The following KCNB2 variants were observed in gnomAD, a reference collection of about 807,000 sequenced individuals.
KCNB2 encodes the protein delayed rectifier potassium channel protein.
Under a neutral mutation model 61.5 loss-of-function variants are expected in KCNB2, and 15 were observed. That is an observed-to-expected ratio of 0.24 (90% confidence interval 0.16 to 0.38). KCNB2 has a LOEUF of 0.38. Among genes scored for constraint, KCNB2 ranks in the 10% least tolerant of loss-of-function variants. The pLI, the probability that KCNB2 is intolerant of heterozygous loss-of-function variation, is 1.00. For synonymous variants in KCNB2, 457 were observed against 446.0 expected, an observed-to-expected ratio of 1.02 and a Z score of -0.31; for missense variants, 828 against 1,125.2, an observed-to-expected ratio of 0.74 and a Z score of 3.78.
chr8:72,612,796 C>A (rs1213003110), intron 2 of KCNB2, among the ~76,000 whole-genome samples: 1 of 152,078 alleles, frequency 6.6e-6, no homozygotes, highest in Non-Finnish European at 1.5e-5. Flanking sequence ...TAAGCTTTTT[C>A]AAGTTTGAGC....
At chr8:72,807,408 A>G (rs1048357106) in intron 2 of KCNB2, among the ~76,000 whole-genome samples, 2 of 152,208 alleles carry the variant, frequency 1.3e-5, no homozygotes, top group Admixed American at 1.3e-4. Flanking sequence ...CCCTGCAGGT[A>G]TAAGTTATTA....
chr8:72,759,614 G>A (rs1328275296), intron 2 of KCNB2, among the ~76,000 whole-genome samples: 1 of 152,142 alleles, frequency 6.6e-6, no homozygotes, highest in African/African-American at 2.4e-5. Context: ...CCAGAATGCT[G>A]TGATCCACAC....
intron 2 of KCNB2, among the ~76,000 whole-genome samples, chr8:72,744,195 A>G (rs990160820): frequency 6.6e-6 from 1 of 152,170 alleles, no homozygotes; most frequent in African/African-American, 2.4e-5. Flanking sequence ...AGGACTTTGA[A>G]TGAGACCTAG....
intron 2 of KCNB2, among the ~76,000 whole-genome samples, chr8:72,617,897 T>C (rs1275150861): frequency 6.6e-6 from 1 of 152,174 alleles, no homozygotes; most frequent in South Asian, 2.1e-4. Context: ...CACACCATAA[T>C]ATTATCTAAG....
At chr8:72,675,238 C>G (rs919630977) in intron 2 of KCNB2, among the ~76,000 whole-genome samples, 1 of 152,002 alleles carries the variant, frequency 6.6e-6, no homozygotes, top group Non-Finnish European at 1.5e-5. Context: ...TTAATCAAAG[C>G]TTTTATGTTT....
intron 2 of KCNB2, among the ~76,000 whole-genome samples, chr8:72,838,581 T>A (rs953923699): frequency 6.6e-6 from 1 of 152,204 alleles, no homozygotes; most frequent in Non-Finnish European, 1.5e-5. Context: ...TACGTGTGCA[T>A]GTGTCTTTAT....
chr8:72,623,564 T>C (rs2128984387), intron 2 of KCNB2, among the ~76,000 whole-genome samples: 1 of 152,310 alleles, frequency 6.6e-6, no homozygotes, highest in East Asian at 1.9e-4. Flanking sequence ...GTTTTACAAA[T>C]AGAAGGAAGG....
intron 2 of KCNB2, among the ~76,000 whole-genome samples, chr8:72,735,556 C>A (rs146911944): frequency 6.6e-6 from 1 of 152,100 alleles, no homozygotes; most frequent in South Asian, 2.1e-4. Flanking sequence ...CTAGTACAAT[C>A]GGCAAAAATT....
At chr8:72,814,031 T>G (rs1420891749) in intron 2 of KCNB2, among the ~76,000 whole-genome samples, 1 of 152,088 alleles carries the variant, frequency 6.6e-6, no homozygotes, top group Non-Finnish European at 1.5e-5. Flanking sequence ...GACAGGCTCC[T>G]GTGTGTGATG....
At chr8:72,612,517 C>T (rs1187379177) in intron 2 of KCNB2, among the ~76,000 whole-genome samples, 4 of 152,178 alleles carry the variant, frequency 2.6e-5, no homozygotes, top group Non-Finnish European at 5.9e-5. Flanking sequence ...AGTTTTCCAT[C>T]TCTTTAAGCA....
At chr8:72,868,184 G>A (rs1200146411) in intron 2 of KCNB2, among the ~76,000 whole-genome samples, 1 of 151,102 alleles carries the variant, frequency 6.6e-6, no homozygotes. Flanking sequence ...GAATCCGCCT[G>A]CCTCAGCCTC....
chr8:72,721,666 G>T lies in KCNB2; in HGVS notation c.579+153353G>T, dbSNP rs189314778. Among the ~76,000 whole-genome samples the T allele has an allele frequency of 4.3e-4, 65 of 152,242 alleles. No individual in the cohort carries two copies. In the Middle Eastern group the frequency reaches 0.01, roughly 24 times the overall value. On this transcript the variant is annotated intron_variant, in intron 2 of 2. Coordinates refer to ENST00000523207, the MANE Select transcript of KCNB2 (RefSeq NM_004770.3). ...CACAGACATGAAATCACCTTACTCAGACCCCACCCTGCACCATCATTCTCA... is the reference window on the plus strand; with the variant it reads ...CACAGACATGAAATCACCTTACTCATACCCCACCCTGCACCATCATTCTCA...
At chr8:72,660,337 C>T (rs555019121) in intron 2 of KCNB2, among the ~76,000 whole-genome samples, 11 of 152,044 alleles carry the variant, frequency 7.2e-5, no homozygotes, top group South Asian at 2.1e-4. Context: ...GAAGGTGGTC[C>T]GATGAAGGAA....
At position 72,631,945 on chromosome 8, in the gene KCNB2, G is replaced by T. The variant is rs943982133; in HGVS notation, c.579+63632G>T. On this transcript the variant is annotated intron_variant, in intron 2 of 2. Transcript: ENST00000523207. Reference sequence around the variant, plus strand: ...CTAGAAGAGTTTTTACATTTTTAAAGGGTTAAGTGGGCTGGGCATGGTGGC... The same window carrying T: ...CTAGAAGAGTTTTTACATTTTTAAATGGTTAAGTGGGCTGGGCATGGTGGC... Among the ~76,000 whole-genome samples the T allele has an allele frequency of 3.9e-5, 6 of 152,100 alleles. No individual in the cohort carries two copies. In the East Asian group the frequency reaches 7.7e-4, roughly 20 times the overall value.
intron 2 of KCNB2, among the ~76,000 whole-genome samples, chr8:72,820,783 A>G (rs1290431092): frequency 6.6e-6 from 1 of 152,140 alleles, no homozygotes; most frequent in African/African-American, 2.4e-5. Context: ...CCTCTCTGTC[A>G]GATCATTTTA....
intron 2 of KCNB2, among the ~76,000 whole-genome samples, chr8:72,910,031 C>T (rs1806259508): frequency 6.6e-6 from 1 of 152,148 alleles, no homozygotes; most frequent in African/African-American, 2.4e-5. Context: ...TGGTAGTCCT[C>T]ACATGTTGGC....
chr8:72,924,890 T>C (rs1806604997), intron 2 of KCNB2, among the ~76,000 whole-genome samples: 2 of 152,158 alleles, frequency 1.3e-5, no homozygotes, highest in African/African-American at 4.8e-5. Flanking sequence ...CAGCCTCCCA[T>C]AACAGCAGAT....
At chr8:72,623,895 G>A (rs1349110144) in intron 2 of KCNB2, among the ~76,000 whole-genome samples, 2 of 152,184 alleles carry the variant, frequency 1.3e-5, no homozygotes, top group African/African-American at 4.8e-5. Context: ...TGGTACAAAT[G>A]TCCTTTCTGG....
At chr8:72,802,909 A>G (rs1251055631) in intron 2 of KCNB2, among the ~76,000 whole-genome samples, 1 of 152,160 alleles carries the variant, frequency 6.6e-6, no homozygotes, top group Non-Finnish European at 1.5e-5. Context: ...CACTCTTTTG[A>G]TGAATGCTGT....
Sources: gnomAD v4.1 joint callset for allele counts (sites outside exome capture counted in the v4.1 genomes callset) on GRCh38, gnomAD v4.1.1 for gene constraint, MANE v1.5 for transcripts, NCBI Gene and HGNC (gene_info 2026-07-23, HGNC 2026-07-21) for gene names.